Variants in LRP1B observed in about 807,000 individuals in gnomAD.
LRP1B encodes the protein low-density lipoprotein receptor-related protein 1B.
Under a neutral mutation model 556.6 loss-of-function variants are expected in LRP1B, and 217 were observed. The ratio of observed to expected loss-of-function variants is 0.39; its 90% CI spans 0.35 to 0.44. LRP1B has a LOEUF of 0.44. LRP1B is among the 20% of genes least tolerant of loss of function. LRP1B has a pLI of 1.00. For synonymous variants in LRP1B, 2,047 were observed against 1,865.8 expected (o/e 1.10, Z -2.50); for missense variants, 5,053 against 5,620.8 (o/e 0.90, Z 3.23).
At chr2:141,285,453 TTC>T (rs1553487948) in intron 3 of LRP1B, among the ~76,000 whole-genome samples, 1,888 of 143,382 alleles carry the variant, frequency 0.013, 40 homozygotes, top group African/African-American at 0.049. Context: ...TAATTTTTTT[TTC>T]TTTTTTTTTT....
At chr2:140,894,989 T>G (rs1189580452) in intron 23 of LRP1B, among the ~76,000 whole-genome samples, 3 of 150,648 alleles carry the variant, frequency 2.0e-5, no homozygotes, top group Non-Finnish European at 4.4e-5. Context: ...AATGCCACAG[T>G]AATCAGATCT....
chr2:141,563,408 C>T (rs1386054950), intron 2 of LRP1B, among the ~76,000 whole-genome samples: 1 of 151,936 alleles, frequency 6.6e-6, no homozygotes, highest in Non-Finnish European at 1.5e-5. Flanking sequence ...CCTCCAAGTA[C>T]ACTCCTCTTT....
intron 32 of LRP1B, among the ~76,000 whole-genome samples, chr2:140,792,998 G>A (rs1690176210): frequency 6.6e-6 from 1 of 151,908 alleles, no homozygotes; most frequent in Non-Finnish European, 1.5e-5. Flanking sequence ...ATATCTATAA[G>A]CATACAGTAT....
intron 7 of LRP1B, among the ~76,000 whole-genome samples, chr2:141,072,404 A>G (rs1699671727): frequency 6.6e-6 from 1 of 152,072 alleles, no homozygotes. Context: ...TGTCTACAGG[A>G]TAATTAATCC....
At chr2:141,936,311 T>C (rs991902933) in intron 1 of LRP1B, among the ~76,000 whole-genome samples, 2 of 152,214 alleles carry the variant, frequency 1.3e-5, no homozygotes, top group African/African-American at 4.8e-5. Flanking sequence ...GCAAATGATA[T>C]GTCTATGTAG....
At position 140,429,698 on chromosome 2, in the gene LRP1B, T is replaced by C. The variant is rs551632433; in HGVS notation, c.10414+12806A>G. On this transcript the variant is annotated intron_variant, in intron 66 of 90. Transcript: ENST00000389484. ...GCATGGTTAGTGCAGTCAGAATTCTTACACAAGAGCCAGGACTGCACCCTG... is the reference window on the plus strand; with the variant it reads ...GCATGGTTAGTGCAGTCAGAATTCTCACACAAGAGCCAGGACTGCACCCTG... Among the ~76,000 whole-genome samples, 13 of 152,286 alleles carry C rather than the reference T, an allele frequency of 8.5e-5. No individual in the cohort carries two copies. The East Asian group carries it at 2.5e-3, about 29-fold the overall frequency.
chr2:140,354,692 G>T (rs932143847), intron 75 of LRP1B, among the ~76,000 whole-genome samples: 4 of 151,732 alleles, frequency 2.6e-5, no homozygotes, highest in Non-Finnish European at 5.9e-5. Context: ...CATCATTTTC[G>T]CCTCATCTCT....
intron 41 of LRP1B, among the ~76,000 whole-genome samples, chr2:140,687,160 G>A (rs529031503): frequency 6.6e-6 from 1 of 152,076 alleles, no homozygotes; most frequent in Non-Finnish European, 1.5e-5. Context: ...AGATTTCTGA[G>A]AGAAGAGGAA....
intron 89 of LRP1B, among the ~76,000 whole-genome samples, chr2:140,237,063 A>G (rs1680741883): frequency 1.3e-5 from 2 of 150,944 alleles, no homozygotes; most frequent in African/African-American, 4.8e-5. Flanking sequence ...TAAATATACA[A>G]TACAATATTG....
rs752925448 is a variant in LRP1B, at chr2:140,247,141, G to A, written c.13269C>T (p.Gly4423=). The change falls in exon 87 of 91, where the codon GGC becomes GGT. Residue 4423 remains glycine, a synonymous_variant. Coordinates refer to ENST00000389484, the MANE Select transcript of LRP1B (RefSeq NM_018557.3). ...TTGGGGCTGGCCTTTCACACTGTGT[G>A]CCTGACCAGTTGGTGGAGCATCTAA... ...PVCLCSTNWS[G]TQCERPAPKS... 1 of 1,608,846 alleles carries A rather than the reference G, an allele frequency of 6.2e-7. No individual in the cohort carries two copies. The highest frequency in any genetic ancestry group is 8.5e-7 in the Non-Finnish European group (1 of 1,176,270).
chr2:140,530,528 C>A (rs1690645557), intron 47 of LRP1B, among the ~76,000 whole-genome samples: 1 of 152,054 alleles, frequency 6.6e-6, no homozygotes, highest in African/African-American at 2.4e-5. Context: ...AGGTACTCTA[C>A]AAGGACACTA....
intron 54 of LRP1B, 114 bp downstream of exon 54, chr2:140,502,849 C>T: frequency 9.8e-7 from 1 of 1,021,852 alleles, no homozygotes; most frequent in East Asian, 2.5e-5. Flanking sequence ...CTAGAAACAT[C>T]ACATGCTTAA....
intron 7 of LRP1B, among the ~76,000 whole-genome samples, chr2:141,080,274 G>T (rs922545499): frequency 2.6e-5 from 4 of 152,098 alleles, no homozygotes; most frequent in African/African-American, 9.7e-5. Context: ...ATGCTTTGGT[G>T]TTTTCTCTGA....
chr2:140,367,931 A>C (rs1385576713), intron 71 of LRP1B, among the ~76,000 whole-genome samples: 4 of 151,822 alleles, frequency 2.6e-5, no homozygotes, highest in Non-Finnish European at 5.9e-5. Flanking sequence ...ATAACATTAT[A>C]ATTTTCTCCA....
At chr2:140,907,773 A>G in intron 22 of LRP1B, 104 bp downstream of exon 22, 1 of 988,808 alleles carries the variant, frequency 1.0e-6, no homozygotes, top group Non-Finnish European at 1.6e-6. Context: ...CTACATTTAA[A>G]GGGAATGAAT....
chr2:140,639,727 T>C (rs941999308), intron 41 of LRP1B, among the ~76,000 whole-genome samples: 1 of 152,296 alleles, frequency 6.6e-6, no homozygotes, highest in African/African-American at 2.4e-5. Context: ...ACAAGGCATA[T>C]AGTAGCTTCC....
chr2:141,191,887 C>T (rs1681528435), intron 6 of LRP1B, among the ~76,000 whole-genome samples: 1 of 151,846 alleles, frequency 6.6e-6, no homozygotes, highest in Admixed American at 6.6e-5. Context: ...TTCAATGACC[C>T]ATCCCTCAAG....
intron 7 of LRP1B, among the ~76,000 whole-genome samples, chr2:141,187,308 A>C (rs1681305093): frequency 6.6e-6 from 1 of 152,092 alleles, no homozygotes; most frequent in African/African-American, 2.4e-5. Flanking sequence ...CATTGTGATG[A>C]TGCGTCTTAA....
At chr2:140,335,194 G>GTA (rs140882374) in intron 78 of LRP1B, among the ~76,000 whole-genome samples, 51,559 of 150,938 alleles carry the variant, frequency 0.34, 9,128 homozygotes, top group Non-Finnish European at 0.4. Flanking sequence ...GTGTGCATGT[G>GTA]TATATATATA....
Sources: allele counts gnomAD v4.1 joint callset (sites outside exome capture counted in the v4.1 genomes callset), GRCh38; gene constraint gnomAD v4.1.1; transcripts MANE v1.5; gene names NCBI Gene and HGNC (gene_info 2026-07-23, HGNC 2026-07-21).